Variants in RIMKLA observed in about 807,000 individuals in gnomAD.
RIMKLA encodes ribosomal modification protein rimK like family member A.
Under a neutral mutation model 32.7 loss-of-function variants are expected in RIMKLA, and 14 were observed. The observed-to-expected ratio is 0.43, with a 90% CI of 0.28 to 0.67. The LOEUF (loss-of-function observed/expected upper bound fraction) is 0.67, where lower values mean the gene tolerates loss of function less well. Ranked by LOEUF, RIMKLA falls within the 30% of genes least tolerant of loss-of-function variation. The probability of loss-of-function intolerance (pLI) is 0.18; values close to 1 mark genes in which losing one functional copy is unlikely to be tolerated. For missense variants in RIMKLA, 410 were observed against 519.0 expected, an observed-to-expected ratio of 0.79 and a Z score of 2.04; for synonymous variants, 176 against 204.1, an observed-to-expected ratio of 0.86 and a Z score of 1.18.
Position 42,423,910 on chromosome 1 carries a change from C to T in RIMKLA, c.*8936C>T, listed in dbSNP as rs1399574476. On this transcript the variant is annotated 3_prime_UTR_variant, in exon 5 of 5. Transcript: ENST00000431473. ...TGGTGAATCACAGCTCTTTAGAGCT[C>T]CTCAAGGGCCTAAGCATCTTTTGTT... 6.6e-6 allele frequency among the ~76,000 whole-genome samples: 1 copy of T among 152,194 alleles called. No individual in the cohort carries two copies. The highest frequency in any genetic ancestry group is 1.5e-5 in the Non-Finnish European group (1 of 68,036).
At chr1:42,387,392 G>C (rs981511682) in intron 1 of RIMKLA, among the ~76,000 whole-genome samples, 1 of 125,730 alleles carries the variant, frequency 8.0e-6, no homozygotes, top group Non-Finnish European at 1.8e-5. Flanking sequence ...GCGAGACCCT[G>C]TTTCAAAAAA....
intron 3 of RIMKLA, among the ~76,000 whole-genome samples, chr1:42,408,929 C>T (rs561888883): frequency 1.7e-4 from 26 of 151,906 alleles, no homozygotes; most frequent in Non-Finnish European, 3.7e-4. Context: ...TGATGTTGGC[C>T]GGTTATGGTG....
At chr1:42,397,930 G>T (rs923079977) in intron 1 of RIMKLA, among the ~76,000 whole-genome samples, 6 of 152,096 alleles carry the variant, frequency 3.9e-5, no homozygotes, top group Non-Finnish European at 8.8e-5. Context: ...GCCATAGGAT[G>T]TCAGGACTGG....
chr1:42,385,767 C>G lies in RIMKLA; in HGVS notation c.163+4670C>G, dbSNP rs7412944. Among the ~76,000 whole-genome samples the G allele has an allele frequency of 2.0e-3, 144 of 73,698 alleles. 1 individual carries two copies. The highest frequency in any genetic ancestry group is 4.6e-3 in the African/African-American group (61 of 13,400). 48.3% of individuals were successfully genotyped at this position (73,698 alleles called of 152,430 possible). On this transcript the variant is annotated intron_variant, in intron 1 of 4. Coordinates refer to ENST00000431473, the MANE Select transcript of RIMKLA (RefSeq NM_173642.4). Reference sequence around the variant, plus strand: ...TCTTTCTTTCTTTCTTTCTTTCTTTCTTTGTTTCTTTGTTTGTTTGTTTCT... The same window carrying G: ...TCTTTCTTTCTTTCTTTCTTTCTTTGTTTGTTTCTTTGTTTGTTTGTTTCT...
Position 42,380,832 on chromosome 1 carries a change from GCGCTCGCCCCGGACGCCGGCCGCCCCTC to G in RIMKLA, c.-93_-66del, listed in dbSNP as rs930176851. The G allele has an allele frequency of 1.5e-4, 97 of 653,318 alleles. No homozygotes were observed. The highest frequency in any genetic ancestry group is 1.7e-4 in the Non-Finnish European group (88 of 504,946). 40.5% of individuals were successfully genotyped at this position (653,318 alleles called of 1,614,324 possible). ...GCACCCGCGGGAGCGGAGCCGTGGC[GCGCTCGCCCCGGACGCCGGCCGCCCCTC>G]CGCTCGCCCTACTGAGCGAGCGGCC... is the stretch of plus-strand genomic sequence containing the variant. On this transcript the variant is annotated 5_prime_UTR_variant, in exon 1 of 5. Coordinates refer to ENST00000431473, the MANE Select transcript of RIMKLA (RefSeq NM_173642.4).
In RIMKLA at chr1:42,409,201, C is replaced by CA. The variant is rs59543497; in HGVS notation, c.482-753dup. Among the ~76,000 whole-genome samples, 218 of 64,498 alleles carry CA rather than the reference C, an allele frequency of 3.4e-3. 15 individuals carry two copies. Among genetic ancestry groups the CA allele is most frequent in the African/African-American group, 7.7e-3 (115 of 14,850 alleles). 42.3% of individuals were successfully genotyped at this position (64,498 alleles called of 152,430 possible). On this transcript the variant is annotated intron_variant, in intron 3 of 4. Coordinates refer to ENST00000431473, the MANE Select transcript of RIMKLA (RefSeq NM_173642.4). ...TGGGTGACAGAGCGAGACTCTGTCT[C>CA]AAAAAAAAAAAAAAAAAAAAAAAAA...
At chr1:42,411,438 T>C (rs998916554) in intron 4 of RIMKLA, among the ~76,000 whole-genome samples, 1 of 151,340 alleles carries the variant, frequency 6.6e-6, no homozygotes, top group Non-Finnish European at 1.5e-5. Flanking sequence ...GTACCTTACA[T>C]GTTATCTCAT....
At chr1:42,395,890 T>C (rs1392459328) in intron 1 of RIMKLA, among the ~76,000 whole-genome samples, 1 of 152,130 alleles carries the variant, frequency 6.6e-6, no homozygotes, top group Non-Finnish European at 1.5e-5. Flanking sequence ...ATTAGAAATA[T>C]GATGGCAGTG....
chr1:42,388,517 G>GTTTT (rs35842187), intron 1 of RIMKLA, among the ~76,000 whole-genome samples: 9 of 131,716 alleles, frequency 6.8e-5, no homozygotes, highest in South Asian at 2.5e-4. Context: ...CTGAAAGCTT[G>GTTTT]TTTTTTTTTT....
chr1:42,395,394 A>C (rs1643034770), intron 1 of RIMKLA, among the ~76,000 whole-genome samples: 1 of 151,338 alleles, frequency 6.6e-6, no homozygotes, highest in Non-Finnish European at 1.5e-5. Flanking sequence ...TTGAGGCTAA[A>C]CATAATCTCA....
At chr1:42,399,092 T>C (rs1643072235) in intron 1 of RIMKLA, among the ~76,000 whole-genome samples, 1 of 151,308 alleles carries the variant, frequency 6.6e-6, no homozygotes, top group Non-Finnish European at 1.5e-5. Flanking sequence ...CCTAAGCCAC[T>C]ACACTTTGAG....
intron 1 of RIMKLA, among the ~76,000 whole-genome samples, chr1:42,392,298 C>T (rs1481942189): frequency 3.3e-5 from 5 of 152,148 alleles, no homozygotes; most frequent in East Asian, 3.8e-4. Context: ...CATTGTGTTA[C>T]AGTCAGTCTC....
rs1643149697 is a variant in RIMKLA, at chr1:42,406,679, T to A, written c.481+2082T>A. Among the ~76,000 whole-genome samples the A allele has an allele frequency of 2.0e-5, 3 of 149,050 alleles. No homozygotes were observed. In the South Asian group the frequency reaches 6.3e-4, roughly 31 times the overall value. On this transcript the variant is annotated intron_variant, in intron 3 of 4. Transcript: ENST00000431473. Reference sequence around the variant, plus strand: ...CCATATCCTCACCATCACTTGTTATTTGTTATGTAAGTATGTATGTATGTA... The same window carrying A: ...CCATATCCTCACCATCACTTGTTATATGTTATGTAAGTATGTATGTATGTA...
In RIMKLA at chr1:42,418,503, A is replaced by T. The variant is rs1319194902; in HGVS notation, c.*3529A>T. Reference sequence around the variant, plus strand: ...AAGGTCTGGAATAGTTTTGTGAAAGAAATAAAAAATTGGGATGATTTGGAA... The same window carrying T: ...AAGGTCTGGAATAGTTTTGTGAAAGTAATAAAAAATTGGGATGATTTGGAA... On this transcript the variant is annotated 3_prime_UTR_variant, in exon 5 of 5. Transcript: ENST00000431473. 5 of 152,226 alleles carry T rather than the reference A, an allele frequency of 3.3e-5. No individual in the cohort carries two copies. Among genetic ancestry groups the T allele is most frequent in the African/African-American group, 4.8e-5 (2 of 41,460 alleles). 9.4% of individuals were successfully genotyped at this position (152,226 alleles called of 1,614,324 possible). A position where few individuals can be genotyped will look rare whatever the true frequency, so the allele number is the denominator to read the frequency against.
At chr1:42,385,842 T>TCC (rs1557749905) in intron 1 of RIMKLA, among the ~76,000 whole-genome samples, 5 of 63,578 alleles carry the variant, frequency 7.9e-5, no homozygotes, top group South Asian at 4.9e-4. Context: ...CTTTCTTTCT[T>TCC]TCTCTTTCTT....
At chr1:42,413,679 T>A (rs79777869) in intron 4 of RIMKLA, among the ~76,000 whole-genome samples, 2,983 of 151,844 alleles carry the variant, frequency 0.02, 100 homozygotes, top group African/African-American at 0.067. Context: ...GTTATAGTCA[T>A]ATTGTATAGT....
chr1:42,390,277 A>G (rs1401051045), intron 1 of RIMKLA, among the ~76,000 whole-genome samples: 5 of 152,094 alleles, frequency 3.3e-5, no homozygotes, highest in Admixed American at 2.6e-4. Context: ...AACTCAAGTG[A>G]TTTGCCGGCC....
intron 1 of RIMKLA, among the ~76,000 whole-genome samples, chr1:42,386,188 G>A (rs1274310302): frequency 6.6e-6 from 1 of 151,944 alleles, no homozygotes; most frequent in Non-Finnish European, 1.5e-5. Context: ...CTCCAAAAAT[G>A]CTGGTATTAC....
Position 42,418,890 on chromosome 1 carries a change from C to T in RIMKLA, c.*3916C>T, listed in dbSNP as rs1643273057. Reference sequence around the variant, plus strand: ...AAGGAGTCAGGTCAGAGAATAAATCCAACCTTAGTCAAGTCACTACAGTTT... The same window carrying T: ...AAGGAGTCAGGTCAGAGAATAAATCTAACCTTAGTCAAGTCACTACAGTTT... On this transcript the variant is annotated 3_prime_UTR_variant, in exon 5 of 5. Transcript: ENST00000431473. The T allele has an allele frequency of 1.3e-5, 2 of 152,224 alleles. No homozygotes were observed. Among genetic ancestry groups the T allele is most frequent in the Admixed American group, 6.5e-5 (1 of 15,286 alleles). The allele number at this position is 152,224 out of a possible 1,614,324, so 9.4% of individuals were successfully genotyped here.
Sources: gnomAD v4.1 joint callset for allele counts (sites outside exome capture counted in the v4.1 genomes callset) on GRCh38, gnomAD v4.1.1 for gene constraint, MANE v1.5 for transcripts, NCBI Gene and HGNC (gene_info 2026-07-23, HGNC 2026-07-21) for gene names.